The following HEPH variants were observed in gnomAD, a reference collection of about 807,000 sequenced individuals.
HEPH encodes hephaestin.
A neutral mutation model predicts 80.8 loss-of-function variants in HEPH; 69 were observed. The ratio of observed to expected loss-of-function variants is 0.85; its 90% CI spans 0.70 to 1.04. HEPH has a LOEUF of 1.04. HEPH is among the 50% of genes least tolerant of loss of function. HEPH has a pLI of 0.00. For missense variants in HEPH, 1,115 were observed against 891.3 expected (o/e 1.25, Z -3.20); for synonymous variants, 431 against 322.8 (o/e 1.34, Z -3.60).
Position 66,258,929 on chromosome X carries a change from G to C in HEPH, c.2986G>C (p.Asp996His), listed in dbSNP as rs755848148. 5.1e-6 allele frequency: 6 copies of C among 1,168,742 alleles called. No individual in the cohort carries two copies. Among genetic ancestry groups the C allele is most frequent in the Admixed American group, 2.3e-5 (1 of 42,687 alleles). Residue 996 changes from aspartate to histidine, a missense_variant, in exon 18 of 21, where the codon GAT (aspartate) becomes CAT (histidine). Physicochemically the swap from Asp to His is moderately conservative, Grantham distance 81 (BLOSUM62 -1). Coordinates refer to ENST00000343002, the MANE Select transcript of HEPH (RefSeq NM_001367233.3). ...CTGGTACATGCTGGCCATGGGCCAA[G>C]ATGTGGATCTACACACCATCCACTT... ...VAWYMLAMGQDVDLHTIHFHA... is the reference protein window; with the variant it reads ...VAWYMLAMGQHVDLHTIHFHA...
Position 66,166,904 on chromosome X carries a change from A to G in HEPH, c.-14+2434A>G, listed in dbSNP as rs138414219. On this transcript the variant is annotated intron_variant, in intron 1 of 20. Transcript: ENST00000343002. ...TGCACATATTTATTGCTATTCATAA[A>G]ATGGAAAATCTTTATGGCCCTGGCA... 3.3e-3 allele frequency among the ~76,000 whole-genome samples: 369 copies of G among 112,243 alleles called. 4 individuals carry two copies. Among genetic ancestry groups the G allele is most frequent in the African/African-American group, 0.011 (349 of 30,915 alleles).
intron 15 of HEPH, among the ~76,000 whole-genome samples, chrX:66,251,482 G>A (rs2091004004): frequency 9.0e-6 from 1 of 111,541 alleles, no homozygotes; most frequent in African/African-American, 3.3e-5. Context: ...ATGTTTATTT[G>A]TCATTCTTAT....
intron 4 of HEPH, 35 bp from the exon 5 acceptor site, chrX:66,188,324 G>A: frequency 1.8e-6 from 2 of 1,091,414 alleles, no homozygotes; most frequent in South Asian, 2.2e-5. Context: ...CTAAGGAAAG[G>A]ATCTTCTCAA....
Position 66,178,904 on chromosome X carries a change from A to G in HEPH, c.625+5103A>G, listed in dbSNP as rs780183742. Among the ~76,000 whole-genome samples the G allele has an allele frequency of 2.7e-5, 3 of 111,033 alleles. No individual in the cohort carries two copies. The South Asian group carries it at 1.1e-3, about 42-fold the overall frequency. Reference sequence around the variant, plus strand: ...TTCCCATTCTGTAGGTTGCATGTTCACTCTGGTGGTAGTTTCTTTTGCTGT... The same window carrying G: ...TTCCCATTCTGTAGGTTGCATGTTCGCTCTGGTGGTAGTTTCTTTTGCTGT... On this transcript the variant is annotated intron_variant, in intron 4 of 20. Coordinates refer to ENST00000343002, the MANE Select transcript of HEPH (RefSeq NM_001367233.3).
intron 15 of HEPH, among the ~76,000 whole-genome samples, chrX:66,229,865 G>A (rs919286252): frequency 8.3e-5 from 9 of 108,140 alleles, no homozygotes; most frequent in South Asian, 4.1e-4. Context: ...ATGCTGGTGC[G>A]CTGCACCCAC....
chrX:66,179,891 G>A (rs949535955), intron 4 of HEPH, among the ~76,000 whole-genome samples: 10 of 111,505 alleles, frequency 9.0e-5, no homozygotes, highest in Non-Finnish European at 1.1e-4. Flanking sequence ...TCTGATATAA[G>A]AATAGCTTCT....
At chrX:66,192,413 C>T (rs1367335679) in intron 7 of HEPH, 115 bp downstream of exon 7, 2 of 849,332 alleles carry the variant, frequency 2.4e-6, no homozygotes, top group Non-Finnish European at 3.3e-6. Flanking sequence ...CATTGTCTGG[C>T]TGGGGTTACA....
chrX:66,201,447 A>G (rs1297363680), intron 12 of HEPH, among the ~76,000 whole-genome samples: 1 of 109,421 alleles, frequency 9.1e-6, no homozygotes, highest in African/African-American at 3.3e-5. Flanking sequence ...CCTTCCCTCT[A>G]TATCCTTTTT....
intron 14 of HEPH, 127 bp downstream of exon 14, chrX:66,207,461 G>A (rs764045777): frequency 4.4e-6 from 2 of 459,161 alleles, no homozygotes; most frequent in African/African-American, 5.1e-5. Context: ...TGGAATTATG[G>A]AATATTTTAT....
rs970293821 is a variant in HEPH at position 66,189,473 on chromosome X, T to TTC, written c.809-197_809-196dup. Among the ~76,000 whole-genome samples, 4 of 111,331 alleles carry TTC rather than the reference T, an allele frequency of 3.6e-5. No individual in the cohort carries two copies. In the East Asian group the frequency reaches 8.4e-4, roughly 23 times the overall value. ...AACTTCACCTCTCTGAGTCTTGGTT[T>TTC]TCTCTCTCTCTCTCTTTTTTAATGA... On this transcript the variant is annotated intron_variant, in intron 5 of 20. Coordinates refer to ENST00000343002, the MANE Select transcript of HEPH (RefSeq NM_001367233.3).
intron 15 of HEPH, among the ~76,000 whole-genome samples, chrX:66,219,371 C>T (rs773967611): frequency 8.9e-5 from 10 of 111,902 alleles, no homozygotes; most frequent in East Asian, 8.5e-4. Context: ...TGCCTTTGAT[C>T]GTCTATGTGT....
intron 15 of HEPH, among the ~76,000 whole-genome samples, chrX:66,224,321 CTT>C (rs746895556): frequency 9.6e-6 from 1 of 104,367 alleles, no homozygotes. Flanking sequence ...GTATAGATGA[CTT>C]TTTTTTTTTT....
chrX:66,166,256 C>T (rs1052746572), intron 1 of HEPH, among the ~76,000 whole-genome samples: 16 of 111,464 alleles, frequency 1.4e-4, no homozygotes, highest in African/African-American at 3.9e-4. Context: ...TGCAATGGTG[C>T]GATTTCGGCT....
At chrX:66,195,254 A>T (rs2088021567) in intron 9 of HEPH, 25 bp downstream of exon 9, 1 of 1,133,772 alleles carries the variant, frequency 8.8e-7, no homozygotes, top group South Asian at 2.3e-5. Flanking sequence ...TTTCTAGTAA[A>T]TGTGGGCTCT....
intron 4 of HEPH, among the ~76,000 whole-genome samples, chrX:66,176,353 T>A (rs1241281448): frequency 8.9e-6 from 1 of 111,778 alleles, no homozygotes; most frequent in Non-Finnish European, 1.9e-5. Context: ...TTGCATTCCT[T>A]TCATATGCAT....
intron 15 of HEPH, among the ~76,000 whole-genome samples, chrX:66,236,753 T>TA (rs2090375711): frequency 9.0e-6 from 1 of 111,369 alleles, no homozygotes; most frequent in African/African-American, 3.3e-5. Context: ...GCTCTTTTTT[T>TA]ATGGAGGATG....
chrX:66,174,256 C>T (rs146437353), intron 4 of HEPH, among the ~76,000 whole-genome samples: 2 of 111,214 alleles, frequency 1.8e-5, no homozygotes, highest in East Asian at 5.7e-4. Context: ...TGAGAACATA[C>T]AATGTTTAGT....
At chrX:66,201,458 C>A (rs781214649) in intron 12 of HEPH, among the ~76,000 whole-genome samples, 1 of 111,005 alleles carries the variant, frequency 9.0e-6, no homozygotes, top group Non-Finnish European at 1.9e-5. Flanking sequence ...TATCCTTTTT[C>A]TTCCTTTTAT....
At chrX:66,175,209 C>T (rs2086749870) in intron 4 of HEPH, among the ~76,000 whole-genome samples, 1 of 111,738 alleles carries the variant, frequency 8.9e-6, no homozygotes, top group African/African-American at 3.2e-5. Flanking sequence ...GTTAAGGATC[C>T]AGTTTCTCTT....
Sources: allele counts gnomAD v4.1 joint callset (sites outside exome capture counted in the v4.1 genomes callset), GRCh38; gene constraint gnomAD v4.1.1; transcripts MANE v1.5; gene names NCBI Gene and HGNC (gene_info 2026-07-23, HGNC 2026-07-21).